NAV2: variants seen among roughly 807,000 people sequenced by gnomAD.
NAV2 encodes the protein helicase, APC down-regulated 1.
A neutral mutation model predicts 223.2 loss-of-function variants in NAV2; 54 were observed. That is an observed-to-expected ratio of 0.24 (90% CI 0.19 to 0.30). The LOEUF (loss-of-function observed/expected upper bound fraction) is 0.30, where lower values mean the gene tolerates loss of function less well. Ranked by LOEUF, NAV2 falls within the 10% of genes least tolerant of loss-of-function variation. The pLI is 1.00. For synonymous variants in NAV2, 1,279 were observed against 1,239.3 expected (o/e 1.03, Z -0.67); for missense variants, 2,806 against 3,147.5 (o/e 0.89, Z 2.60).
At chr11:19,736,907 G>A (rs1306038503) in intron 1 of NAV2, among the ~76,000 whole-genome samples, 1 of 152,182 alleles carries the variant, frequency 6.6e-6, no homozygotes, top group Non-Finnish European at 1.5e-5. Context: ...CTTTTCTGAG[G>A]GGCCCCTACC....
chr11:19,495,692 T>C (rs1396082425), intron 1 of NAV2, among the ~76,000 whole-genome samples: 1 of 152,120 alleles, frequency 6.6e-6, no homozygotes, highest in Non-Finnish European at 1.5e-5. Context: ...AGAGAGGGAA[T>C]ATAAACAAAA....
At chr11:19,663,140 C>A (rs2048330624) in intron 1 of NAV2, among the ~76,000 whole-genome samples, 1 of 152,192 alleles carries the variant, frequency 6.6e-6, no homozygotes, top group African/African-American at 2.4e-5. Context: ...ATATCTCTCA[C>A]ACAAGACAGT....
intron 4 of NAV2, among the ~76,000 whole-genome samples, chr11:19,871,496 A>G (rs1590990449): frequency 6.6e-6 from 1 of 152,044 alleles, no homozygotes; most frequent in South Asian, 2.1e-4. Context: ...AGTATACATC[A>G]CTGCCACTGT....
At chr11:19,879,598 C>T (rs2063071332) in intron 4 of NAV2, among the ~76,000 whole-genome samples, 2 of 152,174 alleles carry the variant, frequency 1.3e-5, no homozygotes, top group Admixed American at 6.5e-5. Context: ...GAGACGCTTG[C>T]TTTTTCATTG....
chr11:19,376,002 T>G (rs1284277257), intron 1 of NAV2, among the ~76,000 whole-genome samples: 1 of 152,218 alleles, frequency 6.6e-6, no homozygotes, highest in African/African-American at 2.4e-5. Flanking sequence ...CTAAAATAAA[T>G]GCTCACAATA....
intron 1 of NAV2, among the ~76,000 whole-genome samples, chr11:19,449,232 T>TA (rs927793045): frequency 4.6e-5 from 7 of 151,998 alleles, no homozygotes; most frequent in Admixed American, 4.6e-4. Context: ...TCCACAGTGA[T>TA]ATAAGTGATG....
chr11:19,727,324 C>T (rs946370504), intron 1 of NAV2, among the ~76,000 whole-genome samples: 3 of 152,210 alleles, frequency 2.0e-5, no homozygotes, highest in Non-Finnish European at 4.4e-5. Context: ...TCTCTAGATC[C>T]TTCAGCAAAG....
At position 20,118,216 on chromosome 11, in the gene NAV2, T is replaced by C. The variant is rs1203727499; in HGVS notation, c.7248T>C (p.His2416=). ...SYDSDSNSNS[H]HDDILDSSLE... ...ACAGCGACTCCAACAGCAACAGCCATCACGATGACATCTTGGACTCCTCTT... is the reference window on the plus strand; with the variant it reads ...ACAGCGACTCCAACAGCAACAGCCACCACGATGACATCTTGGACTCCTCTT... The change falls in exon 38 of 38, where the codon CAT becomes CAC. Residue 2416 remains histidine (H), a synonymous_variant. Transcript: ENST00000349880. 6.2e-7 allele frequency: 1 copy of C among 1,614,036 alleles called. No individual in the cohort carries two copies. Among genetic ancestry groups the C allele is most frequent in the Admixed American group, 1.7e-5 (1 of 60,020 alleles).
intron 1 of NAV2, among the ~76,000 whole-genome samples, chr11:19,445,828 C>T (rs1851563483): frequency 6.7e-6 from 1 of 150,314 alleles, no homozygotes; most frequent in Non-Finnish European, 1.5e-5. Flanking sequence ...CCATATTAGG[C>T]TCTAAACAGA....
intron 2 of NAV2, among the ~76,000 whole-genome samples, chr11:19,838,575 C>G (rs2069555945): frequency 6.6e-6 from 1 of 152,178 alleles, no homozygotes; most frequent in African/African-American, 2.4e-5. Flanking sequence ...ATTTTTCAGG[C>G]TGAGAAGTAA....
intron 6 of NAV2, among the ~76,000 whole-genome samples, chr11:19,906,488 G>A (rs1233269462): frequency 6.6e-6 from 1 of 152,180 alleles, no homozygotes; most frequent in African/African-American, 2.4e-5. Context: ...TGCACCCAGT[G>A]AATTTGTGTT....
At chr11:19,838,753 A>G (rs2060365699) in intron 2 of NAV2, among the ~76,000 whole-genome samples, 1 of 152,104 alleles carries the variant, frequency 6.6e-6, no homozygotes, top group Admixed American at 6.5e-5. Flanking sequence ...CCTCCCGAGT[A>G]GCTGCGATTG....
At chr11:19,514,713 A>G (rs534882730) in intron 1 of NAV2, among the ~76,000 whole-genome samples, 1 of 152,198 alleles carries the variant, frequency 6.6e-6, no homozygotes, top group Non-Finnish European at 1.5e-5. Context: ...ACGCCAGGCC[A>G]GTCTCCAACA....
At chr11:19,450,417 C>G (rs990235927) in intron 1 of NAV2, among the ~76,000 whole-genome samples, 28 of 152,298 alleles carry the variant, frequency 1.8e-4, no homozygotes, top group African/African-American at 6.7e-4. Flanking sequence ...AGGAAAATGG[C>G]TAGGTCTATC....
chr11:19,925,372 A>C (rs1190844296), intron 6 of NAV2, among the ~76,000 whole-genome samples: 1 of 152,136 alleles, frequency 6.6e-6, no homozygotes, highest in Admixed American at 6.5e-5. Flanking sequence ...GTTTTGCCCT[A>C]TGTTTTCCTT....
intron 11 of NAV2, among the ~76,000 whole-genome samples, chr11:20,000,547 C>T (rs997899604): frequency 6.6e-6 from 1 of 152,134 alleles, no homozygotes; most frequent in Non-Finnish European, 1.5e-5. Context: ...ACTTGCTTCT[C>T]AGTTTAAACA....
intron 1 of NAV2, among the ~76,000 whole-genome samples, chr11:19,612,685 C>T (rs1343091631): frequency 6.6e-5 from 10 of 152,190 alleles, no homozygotes; most frequent in Admixed American, 6.5e-4. Context: ...TCAGCCTGGA[C>T]CTTATTGTCC....
intron 1 of NAV2, among the ~76,000 whole-genome samples, chr11:19,751,388 A>C (rs2053803916): frequency 6.6e-6 from 1 of 152,174 alleles, no homozygotes; most frequent in African/African-American, 2.4e-5. Flanking sequence ...GGTCTGGTAC[A>C]TAGGATGGTA....
intron 1 of NAV2, among the ~76,000 whole-genome samples, chr11:19,468,259 G>A (rs1344398304): frequency 6.6e-6 from 1 of 152,190 alleles, no homozygotes; most frequent in African/African-American, 2.4e-5. Flanking sequence ...TTGTATATTA[G>A]TTTCTGAGAG....
Sources: allele counts gnomAD v4.1 joint callset (sites outside exome capture counted in the v4.1 genomes callset), GRCh38; gene constraint gnomAD v4.1.1; transcripts MANE v1.5; gene names NCBI Gene and HGNC (gene_info 2026-07-23, HGNC 2026-07-21).